Variants in UBXN4 observed in about 807,000 individuals in gnomAD.
UBXN4 encodes the protein UBX domain protein 4.
In UBXN4, 35 loss-of-function variants were observed where a neutral mutation model predicts 66.2. The ratio of observed to expected loss-of-function variants is 0.53; its 90% confidence interval spans 0.40 to 0.70. The LOEUF (loss-of-function observed/expected upper bound fraction) is 0.70, where lower values mean the gene tolerates loss of function less well. UBXN4 is among the 30% of genes least tolerant of loss of function. The probability of loss-of-function intolerance (pLI) is 0.00; values close to 1 mark genes in which losing one functional copy is unlikely to be tolerated. For missense variants in UBXN4, 533 were observed against 599.8 expected, an observed-to-expected ratio of 0.89 and a Z score of 1.16; for synonymous variants, 203 against 204.5, an observed-to-expected ratio of 0.99 and a Z score of 0.06.
intron 9 of UBXN4, among the ~76,000 whole-genome samples, chr2:135,772,766 C>T (rs190253703): frequency 1.2e-4 from 18 of 150,698 alleles, no homozygotes; most frequent in East Asian, 4.0e-4. Context: ...TAGCCGGGCG[C>T]GGTGGCTCAC....
intron 8 of UBXN4, among the ~76,000 whole-genome samples, chr2:135,771,313 C>T (rs913049422): frequency 2.6e-5 from 4 of 152,016 alleles, no homozygotes; most frequent in Non-Finnish European, 5.9e-5. Flanking sequence ...GCCATCTCTA[C>T]TAAAAATACA....
intron 9 of UBXN4, among the ~76,000 whole-genome samples, chr2:135,773,617 T>C (rs2077396460): frequency 6.6e-6 from 1 of 152,096 alleles, no homozygotes; most frequent in African/African-American, 2.4e-5. Flanking sequence ...CATAGCAGGG[T>C]AAGAAGGCAG....
intron 6 of UBXN4, among the ~76,000 whole-genome samples, chr2:135,765,166 C>T (rs2077339366): frequency 2.6e-5 from 4 of 151,576 alleles, no homozygotes; most frequent in African/African-American, 7.3e-5. Context: ...AATCTTTTAG[C>T]GAATCTTTAG....
At chr2:135,773,170 G>A (rs539687323) in intron 9 of UBXN4, among the ~76,000 whole-genome samples, 8 of 151,998 alleles carry the variant, frequency 5.3e-5, no homozygotes, top group Non-Finnish European at 8.8e-5. Context: ...TCCCCTATCC[G>A]ATAGGATTAA....
At chr2:135,759,641 G>A (rs551742396) in intron 5 of UBXN4, among the ~76,000 whole-genome samples, 1 of 152,094 alleles carries the variant, frequency 6.6e-6, no homozygotes, top group Non-Finnish European at 1.5e-5. Context: ...TCTCTCAGGA[G>A]ATACATTATG....
At chr2:135,754,336 T>C in intron 4 of UBXN4, 59 bp downstream of exon 4, 1 of 1,391,924 alleles carries the variant, frequency 7.2e-7, no homozygotes, top group Non-Finnish European at 1.0e-6. Context: ...GGATTTTTTT[T>C]TTTGAGATGG....
rs771123596 is a variant in UBXN4, at chr2:135,776,308, C to T, written c.1010C>T (p.Pro337Leu). 1.2e-6 allele frequency: 2 copies of T among 1,613,924 alleles called. No individual in the cohort carries two copies. Among genetic ancestry groups the T allele is most frequent in the East Asian group, 2.2e-5 (1 of 44,880 alleles). Residue 337 changes from proline to leucine, a missense_variant, in exon 10 of 13, where the codon CCT (proline) becomes CTT (leucine). By Grantham distance (98) the Pro-to-Leu change is moderately conservative (BLOSUM62 -3). Coordinates refer to ENST00000272638, the MANE Select transcript of UBXN4 (RefSeq NM_014607.4). ...PDGSSFTNQF[P>L]SDAPLEEARQ... ...GGTTCTTCCTTTACAAATCAGTTCC[C>T]TTCTGATGCTCCTCTAGAAGAGGCA...
intron 5 of UBXN4, among the ~76,000 whole-genome samples, 172 bp from the exon 6 acceptor site, chr2:135,761,646 G>A (rs987779715): frequency 1.3e-5 from 2 of 152,112 alleles, no homozygotes; most frequent in Non-Finnish European, 2.9e-5. Flanking sequence ...TTTTATCCAC[G>A]TCTAAACTTT....
At chr2:135,755,450 G>T in intron 4 of UBXN4, 67 bp from the exon 5 acceptor site, 3 of 1,279,500 alleles carry the variant, frequency 2.3e-6, no homozygotes, top group Non-Finnish European at 3.0e-6. Context: ...CTGTATTTTG[G>T]TCTCTACTGC....
intron 2 of UBXN4, among the ~76,000 whole-genome samples, chr2:135,750,915 G>A (rs2077237489): frequency 2.4e-5 from 3 of 125,082 alleles, no homozygotes; most frequent in African/African-American, 9.2e-5. Flanking sequence ...GAGTGCAGTG[G>A]CGTGATCTCG....
At chr2:135,776,495 G>A (rs1430556682) in intron 10 of UBXN4, 144 bp downstream of exon 10, 2 of 631,200 alleles carry the variant, frequency 3.2e-6, no homozygotes, top group Non-Finnish European at 5.4e-6. Flanking sequence ...AGATATTGTG[G>A]AAATTCTGTC....
At chr2:135,771,447 G>T (rs2077382979) in intron 8 of UBXN4, among the ~76,000 whole-genome samples, 1 of 152,060 alleles carries the variant, frequency 6.6e-6, no homozygotes, top group African/African-American at 2.4e-5. Context: ...TTGCACTCCA[G>T]CCTGGGCGAC....
chr2:135,752,386 T>G (rs2077248417), intron 2 of UBXN4, among the ~76,000 whole-genome samples: 1 of 152,212 alleles, frequency 6.6e-6, no homozygotes, highest in Non-Finnish European at 1.5e-5. Context: ...TTCGCCATGT[T>G]GGCCAGGCTG....
chr2:135,780,979 C>T (rs907545522), intron 12 of UBXN4, among the ~76,000 whole-genome samples: 33 of 152,228 alleles, frequency 2.2e-4, no homozygotes, highest in African/African-American at 7.7e-4. Flanking sequence ...AATCCCAGCA[C>T]TTTGGGAGGC....
intron 2 of UBXN4, among the ~76,000 whole-genome samples, chr2:135,749,554 C>A (rs865848222): frequency 3.9e-5 from 6 of 152,264 alleles, no homozygotes; most frequent in Middle Eastern, 6.8e-3. Context: ...CATTTCCACT[C>A]AATCCAAATA....
chr2:135,747,892 AT>A (rs1234170467), intron 1 of UBXN4: 1 of 335,222 alleles, frequency 3.0e-6, no homozygotes, highest in Non-Finnish European at 5.8e-6. Context: ...AAGTGCTGAG[AT>A]TATAGGCGTG....
chr2:135,745,875 C>CTTTTTTTTATTTTTTTTTT (rs2077204434), intron 1 of UBXN4, among the ~76,000 whole-genome samples: 1 of 74,396 alleles, frequency 1.3e-5, no homozygotes, highest in Non-Finnish European at 2.3e-5. Flanking sequence ...GTCCCGTTTA[C>CTTTTTTTTATTTTTTTTTT]TTTTTTTTTT....
intron 5 of UBXN4, among the ~76,000 whole-genome samples, 169 bp downstream of exon 5, chr2:135,755,860 A>C (rs1232196787): frequency 6.6e-6 from 1 of 152,178 alleles, no homozygotes; most frequent in African/African-American, 2.4e-5. Context: ...GGCAGAAGAC[A>C]ATAAAGTCAG....
At chr2:135,753,676 CTT>C (rs1368127458) in intron 3 of UBXN4, 109 bp downstream of exon 3, 1 of 989,726 alleles carries the variant, frequency 1.0e-6, no homozygotes, top group Admixed American at 3.7e-5. Context: ...ATCATACATT[CTT>C]TTTTATGGAA....
Sources: allele counts gnomAD v4.1 joint callset (sites outside exome capture counted in the v4.1 genomes callset), GRCh38; gene constraint gnomAD v4.1.1; transcripts MANE v1.5; gene names NCBI Gene and HGNC (gene_info 2026-07-23, HGNC 2026-07-21).